The following RANBP2 variants were observed in gnomAD, a reference collection of about 807,000 sequenced individuals.
RANBP2 encodes RAN binding protein 2.
In RANBP2, 57 loss-of-function variants were observed where a neutral mutation model predicts 303.6. The ratio of observed to expected loss-of-function variants is 0.19; its 90% CI spans 0.15 to 0.23. The LOEUF is 0.23. Among genes scored for constraint, RANBP2 ranks in the 10% least tolerant of loss-of-function variants. The pLI is 1.00. For synonymous variants in RANBP2, 1,167 were observed against 1,301.5 expected (o/e 0.90, Z 2.23); for missense variants, 3,138 against 3,780.8 (o/e 0.83, Z 4.46).
At chr2:109,016,407 C>T in the RANBP2 span, among the ~76,000 whole-genome samples, 1 of 152,110 alleles carries the variant, frequency 6.6e-6, no homozygotes, top group Non-Finnish European at 1.5e-5. Flanking sequence ...ATTATTGTTA[C>T]CAACCTTCCC....
chr2:109,496,066 G>A, the RANBP2 span, among the ~76,000 whole-genome samples: 2 of 152,148 alleles, frequency 1.3e-5, no homozygotes, highest in African/African-American at 4.8e-5. Context: ...GTTGCCCTGG[G>A]GTGGCCAGCT....
chr2:109,195,775 G>C, the RANBP2 span, among the ~76,000 whole-genome samples: 1 of 152,150 alleles, frequency 6.6e-6, no homozygotes, highest in Non-Finnish European at 1.5e-5. Flanking sequence ...GACTTCCTGT[G>C]GGTAATTGGG....
chr2:109,294,598 A>T, the RANBP2 span, among the ~76,000 whole-genome samples: 9 of 152,034 alleles, frequency 5.9e-5, no homozygotes, highest in East Asian at 1.7e-3. Flanking sequence ...GTAAAAAAAA[A>T]AAAAAGAATT....
the RANBP2 span, among the ~76,000 whole-genome samples, chr2:109,133,912 T>C: frequency 2.0e-5 from 3 of 151,984 alleles, no homozygotes. Context: ...TAGTCTCTGG[T>C]GGGTGTGGGT....
the RANBP2 span, among the ~76,000 whole-genome samples, chr2:109,576,394 C>T: frequency 6.6e-6 from 1 of 151,718 alleles, no homozygotes. Context: ...CCACCACACC[C>T]GGCCTCAAAA....
the RANBP2 span, among the ~76,000 whole-genome samples, chr2:109,152,281 CTTG>C: frequency 6.6e-6 from 1 of 152,184 alleles, no homozygotes. Context: ...GCATGTTCCC[CTTG>C]TTGTTGTGGT....
At chr2:108,748,843 G>A in intron 8 of RANBP2, 77 bp from the exon 9 acceptor site, 1 of 1,611,130 alleles carries the variant, frequency 6.2e-7, no homozygotes, top group South Asian at 1.1e-5. Context: ...TCCCCTTTGG[G>A]TATACAAATG....
the RANBP2 span, among the ~76,000 whole-genome samples, chr2:109,604,179 AG>A: frequency 2.7e-5 from 4 of 147,350 alleles, no homozygotes; most frequent in Admixed American, 6.8e-5. Flanking sequence ...AAAAAAAAAA[AG>A]AATTAAAAAA....
the RANBP2 span, among the ~76,000 whole-genome samples, chr2:109,566,370 C>T: frequency 4.6e-5 from 7 of 152,004 alleles, no homozygotes; most frequent in African/African-American, 1.7e-4. Context: ...ATCCACCTGT[C>T]TTGGGATTAT....
the RANBP2 span, among the ~76,000 whole-genome samples, chr2:109,191,557 C>T: frequency 5.3e-5 from 8 of 152,216 alleles, no homozygotes; most frequent in Non-Finnish European, 8.8e-5. Flanking sequence ...AGGCTTGACG[C>T]TGCCTCCCAC....
chr2:108,810,904 A>T, the RANBP2 span, among the ~76,000 whole-genome samples: 4 of 152,088 alleles, frequency 2.6e-5, no homozygotes, highest in South Asian at 8.3e-4. Flanking sequence ...TTCTTGGTTC[A>T]GTCTTACGTT....
the RANBP2 span, among the ~76,000 whole-genome samples, chr2:109,736,559 G>A: frequency 6.6e-6 from 1 of 152,250 alleles, no homozygotes; most frequent in South Asian, 2.1e-4. Flanking sequence ...TTTATGGAGA[G>A]TGACGGACTA....
the RANBP2 span, among the ~76,000 whole-genome samples, chr2:109,068,406 A>G: frequency 6.6e-6 from 1 of 152,172 alleles, no homozygotes; most frequent in African/African-American, 2.4e-5. Context: ...CCGCATCCAG[A>G]CTGTAAGCCG....
the RANBP2 span, among the ~76,000 whole-genome samples, chr2:109,001,974 C>T: frequency 1.3e-5 from 2 of 152,134 alleles, no homozygotes; most frequent in Non-Finnish European, 1.5e-5. Flanking sequence ...TCATGATCCG[C>T]CCGCCTCGGC....
At chr2:108,925,199 T>C in the RANBP2 span, among the ~76,000 whole-genome samples, 1 of 152,004 alleles carries the variant, frequency 6.6e-6, no homozygotes, top group Non-Finnish European at 1.5e-5. Flanking sequence ...CTCTATTCCT[T>C]GGACCTTGTG....
chr2:109,707,315 T>C, the RANBP2 span, among the ~76,000 whole-genome samples: 16 of 152,180 alleles, frequency 1.1e-4, no homozygotes, highest in South Asian at 2.1e-4. Context: ...GGCTCTTTTC[T>C]TGCCTTCTAT....
At chr2:109,592,056 A>G in the RANBP2 span, among the ~76,000 whole-genome samples, 1 of 152,188 alleles carries the variant, frequency 6.6e-6, no homozygotes, top group East Asian at 1.9e-4. Context: ...GACCCTTAGA[A>G]GCATAAGGTG....
chr2:109,740,397 C>T, the RANBP2 span, among the ~76,000 whole-genome samples: 8 of 152,100 alleles, frequency 5.3e-5, no homozygotes, highest in South Asian at 2.1e-4. Context: ...TTCAACACCC[C>T]TCTCAGAAAT....
chr2:108,978,036 G>T, the RANBP2 span, among the ~76,000 whole-genome samples: 3 of 152,202 alleles, frequency 2.0e-5, no homozygotes, highest in Non-Finnish European at 2.9e-5. Flanking sequence ...ACAGGGCTGC[G>T]GTTCAAAGTC....
Sources: gnomAD v4.1 joint callset for allele counts (sites outside exome capture counted in the v4.1 genomes callset) on GRCh38, gnomAD v4.1.1 for gene constraint, MANE v1.5 for transcripts, NCBI Gene and HGNC (gene_info 2026-07-23, HGNC 2026-07-21) for gene names.